The following ZNF783 variants were observed in gnomAD, a reference collection of about 807,000 sequenced individuals.
ZNF783 encodes zinc finger protein 783, also known as protein ZNF783.
ZNF783 carries 25 observed loss-of-function variants against 31.3 expected under a neutral mutation model. The observed-to-expected ratio is 0.80, with a 90% confidence interval of 0.58 to 1.11. ZNF783 has a LOEUF of 1.11. ZNF783 is among the 50% of genes most tolerant of loss of function. The pLI is 0.00. For missense variants in ZNF783, 797 were observed against 760.0 expected, an observed-to-expected ratio of 1.05 and a Z score of -0.57; for synonymous variants, 369 against 319.1, an observed-to-expected ratio of 1.16 and a Z score of -1.66.
intron 1 of ZNF783, among the ~76,000 whole-genome samples, chr7:149,264,408 G>A (rs1384141913): frequency 6.6e-6 from 1 of 152,132 alleles, no homozygotes; most frequent in South Asian, 2.1e-4. Context: ...GTGGGTCCTC[G>A]GAATCCACAG....
chr7:149,269,968 G>C (rs1471077518), intron 4 of ZNF783, among the ~76,000 whole-genome samples: 1 of 152,004 alleles, frequency 6.6e-6, no homozygotes, highest in African/African-American at 2.4e-5. Context: ...ATGGTTTCCA[G>C]CTTCATCCGT....
rs769405639 is a variant in ZNF783 at position 149,281,863 on chromosome 7, C to T, written c.1161C>T (p.Cys387=). The change falls in exon 6 of 6, where the codon TGC becomes TGT. Residue 387 remains cysteine (C), a synonymous_variant. Coordinates refer to ENST00000434415, the MANE Select transcript of ZNF783 (RefSeq NM_001195220.2). ...CCCCCGGCCGCTCGCCCACCAGCTG[C>T]GGGGACAGCCAGGCCATGCTGGAGC... The part of the protein sequence containing the change: ...QEAPGRSPTS[C]GDSQAMLEPG... The T allele has an allele frequency of 6.0e-6, 9 of 1,499,692 alleles. No individual in the cohort carries two copies. Among genetic ancestry groups the T allele is most frequent in the South Asian group, 1.3e-5 (1 of 74,536 alleles). 92.9% of individuals were successfully genotyped at this position (1,499,692 alleles called of 1,614,324 possible).
chr7:149,266,385 GC>G lies in ZNF783; in HGVS notation c.79del (p.Gln27SerfsTer35), dbSNP rs780111789. 2.2e-4 allele frequency: 353 copies of G among 1,599,002 alleles called. No homozygotes were observed. Among genetic ancestry groups the G allele is most frequent in the South Asian group, 5.9e-4 (54 of 90,920 alleles). On this transcript the variant is annotated frameshift_variant, in exon 2 of 6. Transcript: ENST00000434415. LOFTEE classifies it high-confidence loss of function. ...AGGACCAGAGTCCTTCGACACCCTT[GC>G]CCCAGCCAGCTGCTGAGAAGAACTC... Reference protein sequence around the residue: ...TEDQSPSTPLPQPAAEKNSYL... With the variant: ...TEDQSPSTPLXQPAAEKNSYL...
intron 5 of ZNF783, 126 bp from the exon 6 acceptor site, chr7:149,281,379 C>T: frequency 1.4e-6 from 1 of 722,334 alleles, no homozygotes; most frequent in Non-Finnish European, 2.0e-6. Flanking sequence ...AGGACCCCTG[C>T]AATGTGCTGT....
At chr7:149,262,687 T>A (rs4727034) in intron 1 of ZNF783, among the ~76,000 whole-genome samples, 1 of 151,998 alleles carries the variant, frequency 6.6e-6, no homozygotes, top group Non-Finnish European at 1.5e-5. Context: ...CGGCCCCCCC[T>A]ACAGCAGGCT....
In ZNF783 at chr7:149,281,668, G is replaced by T; in HGVS notation, c.966G>T (p.Arg322Ser). ...PSRHQAQGMP[R>S]VRAGEPRPPG... Reference sequence around the variant, plus strand: ...GTCATCAGGCCCAGGGCATGCCCAGGGTGCGGGCAGGGGAGCCACGGCCAC... The same window carrying T: ...GTCATCAGGCCCAGGGCATGCCCAGTGTGCGGGCAGGGGAGCCACGGCCAC... The change falls in exon 6 of 6, where the codon AGG (arginine) becomes AGT (serine). Residue 322 changes from arginine (R) to serine (S), a missense_variant. Arg to Ser is a moderately radical substitution (Grantham distance 110, BLOSUM62 -1). Coordinates refer to ENST00000434415, the MANE Select transcript of ZNF783 (RefSeq NM_001195220.2). 1 of 1,514,500 alleles carries T rather than the reference G, an allele frequency of 6.6e-7. No homozygotes were observed. The highest frequency in any genetic ancestry group is 8.7e-7 in the Non-Finnish European group (1 of 1,142,934). 93.8% of individuals were successfully genotyped at this position (1,514,500 alleles called of 1,614,324 possible).
chr7:149,277,275 C>G (rs1449683336), intron 4 of ZNF783: 1 of 152,246 alleles, frequency 6.6e-6, no homozygotes, highest in Non-Finnish European at 1.5e-5. Flanking sequence ...GGTTTCTTGT[C>G]TGTTCCCTTC....
chr7:149,275,403 C>T (rs939211480), intron 4 of ZNF783, among the ~76,000 whole-genome samples: 1 of 151,688 alleles, frequency 6.6e-6, no homozygotes, highest in African/African-American at 2.4e-5. Flanking sequence ...AGCTGCGCCT[C>T]CCGGGTTCAC....
At chr7:149,268,106 C>G (rs573965359) in intron 4 of ZNF783, among the ~76,000 whole-genome samples, 1 of 152,174 alleles carries the variant, frequency 6.6e-6, no homozygotes, top group Non-Finnish European at 1.5e-5. Context: ...AATAGCACAG[C>G]GAATCTCCAA....
At chr7:149,272,076 G>A (rs1380350494) in intron 4 of ZNF783, among the ~76,000 whole-genome samples, 1 of 152,116 alleles carries the variant, frequency 6.6e-6, no homozygotes, top group East Asian at 1.9e-4. Flanking sequence ...GGAGTGCAGT[G>A]GCACGATCTC....
At chr7:149,270,178 A>G (rs1016516152) in intron 4 of ZNF783, among the ~76,000 whole-genome samples, 4 of 152,262 alleles carry the variant, frequency 2.6e-5, no homozygotes, top group Non-Finnish European at 2.9e-5. Context: ...TCCTTTGGGT[A>G]TATACCCAGT....
Position 149,266,807 on chromosome 7 carries a change from T to C in ZNF783, c.421-12T>C. On this transcript the variant is annotated splice_polypyrimidine_tract_variant and intron_variant, in intron 2 of 5. Transcript: ENST00000434415. Reference sequence around the variant, plus strand: ...GCGTGTGGGTGAGTGAGTGCGACACTTATGGTTCCAGGTGCCCGTGACCTT... The same window carrying C: ...GCGTGTGGGTGAGTGAGTGCGACACCTATGGTTCCAGGTGCCCGTGACCTT... 6.2e-7 allele frequency: 1 copy of C among 1,613,894 alleles called. No individual in the cohort carries two copies.
At chr7:149,264,424 T>A (rs918995642) in intron 1 of ZNF783, among the ~76,000 whole-genome samples, 1 of 152,112 alleles carries the variant, frequency 6.6e-6, no homozygotes, top group Non-Finnish European at 1.5e-5. Flanking sequence ...CACAGGAGGC[T>A]GGCATGGCTG....
At chr7:149,281,346 C>T (rs1797459430) in intron 5 of ZNF783, among the ~76,000 whole-genome samples, 159 bp from the exon 6 acceptor site, 1 of 152,234 alleles carries the variant, frequency 6.6e-6, no homozygotes, top group African/African-American at 2.4e-5. Context: ...AAGGCAGTGC[C>T]TGTGTGGCAG....
chr7:149,281,419 G>A lies in ZNF783; in HGVS notation c.803-86G>A, dbSNP rs1797461391. 25 of 1,252,686 alleles carry A rather than the reference G, an allele frequency of 2.0e-5. No homozygotes were observed. In the South Asian group the frequency reaches 4.5e-4, roughly 22 times the overall value. The allele number at this position is 1,252,686 out of a possible 1,614,324, so 77.6% of individuals were successfully genotyped here. ...ACTGTGGGGAGATAGGGCCCGGGCT[G>A]AGGCTGGAAGCCAGGACTGGGCCGA... On this transcript the variant is annotated intron_variant, in intron 5 of 5. Transcript: ENST00000434415.
At chr7:149,267,291 G>T (rs1342674251) in intron 4 of ZNF783, 69 bp downstream of exon 4, 1 of 1,516,088 alleles carries the variant, frequency 6.6e-7, no homozygotes, top group Non-Finnish European at 8.7e-7. Flanking sequence ...TACCCTCTCG[G>T]GCTTCCCAGA....
At chr7:149,268,527 G>A (rs556490991) in intron 4 of ZNF783, among the ~76,000 whole-genome samples, 4 of 152,188 alleles carry the variant, frequency 2.6e-5, no homozygotes, top group East Asian at 1.9e-4. Flanking sequence ...ATACACCTGC[G>A]GGTTTGTTAC....
chr7:149,267,904 A>G (rs1020161001), intron 4 of ZNF783, among the ~76,000 whole-genome samples: 1 of 152,108 alleles, frequency 6.6e-6, no homozygotes, highest in Non-Finnish European at 1.5e-5. Context: ...CCCCTATTGC[A>G]GTCCCACAAC....
Position 149,281,736 on chromosome 7 carries a change from G to A in ZNF783, c.1034G>A (p.Arg345Gln), listed in dbSNP as rs757789601. ...GETPRVLSRRRQRAFPCPDCG... is the reference protein window; with the variant it reads ...GETPRVLSRRQQRAFPCPDCG... ...ACGCCCCGAGTCCTCTCCCGCAGGC[G>A]GCAGCGGGCATTCCCCTGCCCCGAC... Residue 345 changes from arginine to glutamine, a missense_variant, in exon 6 of 6, where the codon CGG becomes CAG. By Grantham distance (43) the Arg-to-Gln change is conservative (BLOSUM62 1). Coordinates refer to ENST00000434415, the MANE Select transcript of ZNF783 (RefSeq NM_001195220.2). 4.7e-6 allele frequency: 7 copies of A among 1,477,914 alleles called. No individual in the cohort carries two copies. The highest frequency in any genetic ancestry group is 2.5e-5 in the Admixed American group (1 of 40,006). 91.6% of individuals were successfully genotyped at this position (1,477,914 alleles called of 1,614,324 possible).
Sources: gnomAD v4.1 joint callset for allele counts (sites outside exome capture counted in the v4.1 genomes callset) on GRCh38, gnomAD v4.1.1 for gene constraint, MANE v1.5 for transcripts, NCBI Gene and HGNC (gene_info 2026-07-23, HGNC 2026-07-21) for gene names.